The following PPP1R1C variants were observed in gnomAD, a reference collection of about 807,000 sequenced individuals.
PPP1R1C encodes protein phosphatase 1 regulatory subunit 1C.
PPP1R1C carries 15 observed loss-of-function variants against 17.4 expected under a neutral mutation model. The observed-to-expected ratio is 0.86, with a 90% confidence interval of 0.58 to 1.33. The LOEUF (loss-of-function observed/expected upper bound fraction) is 1.33. Ranked by LOEUF, PPP1R1C falls within the 40% of genes most tolerant of loss-of-function variation. The pLI, the probability that PPP1R1C is intolerant of heterozygous loss-of-function variation, is 0.00. For missense variants in PPP1R1C, 143 were observed against 130.0 expected, an observed-to-expected ratio of 1.10 and a Z score of -0.48; for synonymous variants, 35 against 43.1, an observed-to-expected ratio of 0.81 and a Z score of 0.73.
intron 2 of PPP1R1C, among the ~76,000 whole-genome samples, chr2:182,033,767 G>A (rs1019190064): frequency 6.6e-6 from 1 of 152,232 alleles, no homozygotes; most frequent in African/African-American, 2.4e-5. Context: ...TCTAAGAAGT[G>A]CAGAAAAAGT....
At chr2:182,025,856 C>A (rs1252383713) in intron 2 of PPP1R1C, among the ~76,000 whole-genome samples, 1 of 144,850 alleles carries the variant, frequency 6.9e-6, no homozygotes, top group Non-Finnish European at 1.5e-5. Flanking sequence ...TTCTCCACAT[C>A]CTCTCCAGCA....
upstream of PPP1R1C, among the ~76,000 whole-genome samples, chr2:181,981,132 T>G (rs1449778976): frequency 3.3e-5 from 5 of 151,536 alleles, no homozygotes; most frequent in Non-Finnish European, 7.4e-5. Flanking sequence ...GTTTCACCGT[T>G]TTAGCCGGGA....
At chr2:182,034,290 A>G (rs974531119) in intron 2 of PPP1R1C, among the ~76,000 whole-genome samples, 1 of 152,298 alleles carries the variant, frequency 6.6e-6, no homozygotes, top group Admixed American at 6.5e-5. Context: ...TTGGATTAAA[A>G]GGTGGCATCA....
intron 4 of PPP1R1C, among the ~76,000 whole-genome samples, chr2:182,106,853 G>A (rs1308005451): frequency 1.3e-5 from 2 of 152,270 alleles, no homozygotes; most frequent in East Asian, 1.9e-4. Context: ...GGAGCCCCAC[G>A]ACTTGCCAGT....
intron 2 of PPP1R1C, among the ~76,000 whole-genome samples, chr2:182,016,455 C>T (rs1686265632): frequency 6.6e-6 from 1 of 152,104 alleles, no homozygotes; most frequent in African/African-American, 2.4e-5. Context: ...TCTATTTGGC[C>T]ATCTTGCTCT....
intron 2 of PPP1R1C, among the ~76,000 whole-genome samples, chr2:181,991,483 T>A (rs950126883): frequency 6.6e-6 from 1 of 152,138 alleles, no homozygotes; most frequent in Non-Finnish European, 1.5e-5. Context: ...AAACTAAAAT[T>A]TTTAAATTGA....
rs895527619 is a variant in PPP1R1C, at chr2:181,986,060, G to A, written c.-51G>A. 3 of 1,415,746 alleles carry A rather than the reference G, an allele frequency of 2.1e-6. No homozygotes were observed. Among genetic ancestry groups the A allele is most frequent in the African/African-American group, 1.4e-5 (1 of 71,028 alleles). 87.7% of individuals were successfully genotyped at this position (1,415,746 alleles called of 1,614,324 possible). On this transcript the variant is annotated 5_prime_UTR_variant, in exon 1 of 5. Coordinates refer to ENST00000682840, the MANE Select transcript of PPP1R1C (RefSeq NM_001080545.3). ...GGAAACACATCCCGGACACCACTTAGGGTTAGTCTTTCTGAGCTCTTCACA... is the reference window on the plus strand; with the variant it reads ...GGAAACACATCCCGGACACCACTTAAGGTTAGTCTTTCTGAGCTCTTCACA...
At chr2:182,118,202 A>T (rs10497594), downstream of PPP1R1C, among the ~76,000 whole-genome samples, 4,613 of 152,262 alleles carry the variant, frequency 0.03, 210 homozygotes, top group Admixed American at 0.13. Context: ...CTAGGAAGGT[A>T]CTATGCTGCG....
intron 4 of PPP1R1C, among the ~76,000 whole-genome samples, chr2:182,077,801 T>C (rs1688358044): frequency 6.6e-6 from 1 of 152,206 alleles, no homozygotes; most frequent in Non-Finnish European, 1.5e-5. Flanking sequence ...TAGATCATTT[T>C]AAAAAGAACA....
chr2:182,000,777 C>G (rs939899534), intron 2 of PPP1R1C, among the ~76,000 whole-genome samples: 9 of 152,152 alleles, frequency 5.9e-5, no homozygotes, highest in Admixed American at 1.3e-4. Context: ...GTGATTGGAT[C>G]TATTAATACA....
At chr2:182,071,203 A>C (rs1688130305) in intron 4 of PPP1R1C, among the ~76,000 whole-genome samples, 1 of 152,168 alleles carries the variant, frequency 6.6e-6, no homozygotes, top group Non-Finnish European at 1.5e-5. Context: ...TCTATCCAGC[A>C]TACCACATTA....
At chr2:182,061,567 A>G (rs2125196541) in intron 3 of PPP1R1C, 88 bp downstream of exon 3, 1 of 676,032 alleles carries the variant, frequency 1.5e-6, no homozygotes, top group East Asian at 3.3e-5. Flanking sequence ...ATAAATAATG[A>G]TACAACTGTA....
chr2:182,069,407 G>C (rs1250654861), intron 4 of PPP1R1C, among the ~76,000 whole-genome samples: 1 of 151,838 alleles, frequency 6.6e-6, no homozygotes, highest in Admixed American at 6.6e-5. Flanking sequence ...AGTCAGGTTG[G>C]AGAAGCAATT....
chr2:182,040,888 C>A (rs962413781), intron 2 of PPP1R1C, among the ~76,000 whole-genome samples: 1 of 152,106 alleles, frequency 6.6e-6, no homozygotes, highest in Non-Finnish European at 1.5e-5. Flanking sequence ...GTTTTCCTAG[C>A]ACCATTTATT....
chr2:182,002,910 C>T (rs974613163), intron 2 of PPP1R1C, among the ~76,000 whole-genome samples: 52 of 146,070 alleles, frequency 3.6e-4, no homozygotes, highest in Non-Finnish European at 7.2e-4. Context: ...ATCATACCAC[C>T]AAGAGTGATG....
intron 2 of PPP1R1C, among the ~76,000 whole-genome samples, chr2:182,005,509 G>A (rs1323080488): frequency 6.6e-6 from 1 of 152,100 alleles, no homozygotes; most frequent in Non-Finnish European, 1.5e-5. Flanking sequence ...CAATTTTTAG[G>A]AAAGTGAGCA....
intron 2 of PPP1R1C, among the ~76,000 whole-genome samples, chr2:182,017,247 G>GTA (rs906868120): frequency 6.6e-6 from 1 of 151,900 alleles, no homozygotes; most frequent in Non-Finnish European, 1.5e-5. Flanking sequence ...ATATATGTAT[G>GTA]TATATATATA....
intron 2 of PPP1R1C, among the ~76,000 whole-genome samples, chr2:182,045,536 A>G (rs1687317455): frequency 6.6e-6 from 1 of 152,108 alleles, no homozygotes; most frequent in African/African-American, 2.4e-5. Context: ...TATGTATTTA[A>G]TGTGTACAGT....
chr2:182,029,119 A>G (rs1304347303), intron 2 of PPP1R1C, among the ~76,000 whole-genome samples: 1 of 140,900 alleles, frequency 7.1e-6, no homozygotes, highest in African/African-American at 2.7e-5. Flanking sequence ...GGCATGTGAG[A>G]TGGGTTTCCT....
Sources: gnomAD v4.1 joint callset for allele counts (sites outside exome capture counted in the v4.1 genomes callset) on GRCh38, gnomAD v4.1.1 for gene constraint, MANE v1.5 for transcripts, NCBI Gene and HGNC (gene_info 2026-07-23, HGNC 2026-07-21) for gene names.